Variants in SLC7A5 observed in about 807,000 individuals in gnomAD.
SLC7A5 encodes large neutral amino acids transporter small subunit 1.
In SLC7A5, 23 loss-of-function variants were observed where a neutral mutation model predicts 50.2. That is an observed-to-expected ratio of 0.46 (90% CI 0.33 to 0.65). SLC7A5 has a LOEUF of 0.65. SLC7A5 is among the 30% of genes least tolerant of loss of function. The pLI, the probability that SLC7A5 is intolerant of heterozygous loss-of-function variation, is 0.02. For synonymous variants in SLC7A5, 393 were observed against 330.6 expected (o/e 1.19, Z -2.05); for missense variants, 578 against 684.4 (o/e 0.84, Z 1.73).
intron 3 of SLC7A5, 48 bp from the exon 4 acceptor site, chr16:87,840,521 A>G: frequency 6.8e-7 from 1 of 1,480,588 alleles, no homozygotes; most frequent in African/African-American, 1.4e-5. Flanking sequence ...TCATCAGGGA[A>G]AATAAATCAC....
rs1597493755 is a variant in SLC7A5 at position 87,836,754 on chromosome 16, C to T, written c.1141-107G>A. ...CAGCCTGGCTGGGCCCAGCTGAGCACCAGGGAATTTTGTTTTAAAGGAGAA... is the reference window on the plus strand; with the variant it reads ...CAGCCTGGCTGGGCCCAGCTGAGCATCAGGGAATTTTGTTTTAAAGGAGAA... On this transcript the variant is annotated intron_variant, in intron 7 of 9. Coordinates refer to ENST00000261622, the MANE Select transcript of SLC7A5 (RefSeq NM_003486.7). 11 of 1,220,022 alleles carry T rather than the reference C, an allele frequency of 9.0e-6. No homozygotes were observed. The East Asian group carries it at 2.4e-4, about 26-fold the overall frequency. The allele number at this position is 1,220,022 out of a possible 1,614,324, so 75.6% of individuals were successfully genotyped here. A position where few individuals can be genotyped will look rare whatever the true frequency, so the allele number is the denominator to read the frequency against.
chr16:87,851,005 C>T (rs568179835), intron 2 of SLC7A5, among the ~76,000 whole-genome samples: 1 of 152,188 alleles, frequency 6.6e-6, no homozygotes, highest in Non-Finnish European at 1.5e-5. Context: ...TTCCTTCTAC[C>T]AGCCCCAAGA....
At position 87,839,682 on chromosome 16, in the gene SLC7A5, G is replaced by A. The variant is rs33993343; in HGVS notation, c.939+20C>T. 829 of 1,612,776 alleles carry A rather than the reference G, an allele frequency of 5.1e-4. 6 individuals are homozygous for A. In the African/African-American group the frequency reaches 0.01, roughly 20 times the overall value. On this transcript the variant is annotated intron_variant, in intron 5 of 9. Coordinates refer to ENST00000261622, the MANE Select transcript of SLC7A5 (RefSeq NM_003486.7). The stretch of plus-strand genomic sequence containing the variant: ...ACAGCCTCTCAGGCCCCTGGTGGAA[G>A]CTGGCGGGTAGCGGCTCACCACGGC...
intron 6 of SLC7A5, 62 bp downstream of exon 6, chr16:87,838,652 A>G (rs1567489143): frequency 2.5e-6 from 3 of 1,215,734 alleles, no homozygotes; most frequent in Non-Finnish European, 3.7e-6. Flanking sequence ...GACATGGAAC[A>G]TGTTGAACCT....
chr16:87,842,058 A>G (rs2055089039), intron 2 of SLC7A5, among the ~76,000 whole-genome samples: 1 of 152,176 alleles, frequency 6.6e-6, no homozygotes, highest in Admixed American at 6.5e-5. Flanking sequence ...TATTGCCCAG[A>G]CATCAGTCTC....
rs1348816623 is a variant in SLC7A5, at chr16:87,832,988, C to A, written c.1506G>T (p.Val502=). The change falls in exon 10 of 10, where the codon GTG becomes GTT. Residue 502 remains valine (V), a synonymous_variant. Coordinates refer to ENST00000261622, the MANE Select transcript of SLC7A5 (RefSeq NM_003486.7). The surrounding 1 kb of genome is among the most constrained non-coding windows in gnomAD (Gnocchi z 4.6). ...TTVLCQKLMQ[V]VPQET is the part of the protein sequence containing the mutation. ...CTCCTGGCTATGTCTCCTGGGGGAC[C>A]ACCTGCATGAGCTTCTGACACAGGA... 6.8e-6 allele frequency: 11 copies of A among 1,613,796 alleles called. No homozygotes were observed. The highest frequency in any genetic ancestry group is 8.5e-6 in the Non-Finnish European group (10 of 1,179,902).
At chr16:87,839,308 T>C (rs958182761) in intron 5 of SLC7A5, among the ~76,000 whole-genome samples, 1 of 152,214 alleles carries the variant, frequency 6.6e-6, no homozygotes, top group African/African-American at 2.4e-5. Context: ...GCCTCCCGCC[T>C]GCCAAGCCAG....
Position 87,833,618 on chromosome 16 carries a change from G to A in SLC7A5, c.1469-593C>T, listed in dbSNP as rs117094085. Among the ~76,000 whole-genome samples the A allele has an allele frequency of 0.094, 14,236 of 151,672 alleles. 860 individuals are homozygous for A. The highest frequency in any genetic ancestry group is 0.13 in the Non-Finnish European group (8,734 of 67,994). On this transcript the variant is annotated intron_variant, in intron 9 of 9. Coordinates refer to ENST00000261622, the MANE Select transcript of SLC7A5 (RefSeq NM_003486.7). The surrounding 1 kb of genome is among the most constrained non-coding windows in gnomAD (Gnocchi z 6.0). ...GCAAATGTTCTACCATGACCCTGGC[G>A]GTGATCAGAGTGTGGGGTAGGGGTG... is the stretch of plus-strand genomic sequence containing the variant.
rs576563929 is a variant in SLC7A5 at position 87,835,334 on chromosome 16, C to T, written c.1291-743G>A. On this transcript the variant is annotated intron_variant, in intron 8 of 9. Coordinates refer to ENST00000261622, the MANE Select transcript of SLC7A5 (RefSeq NM_003486.7). ...CAGGTCCCCATGGGGGCTGAGCCCC[C>T]GCTGTGCGCAGTGACTGCCCTGTGC... is the stretch of plus-strand genomic sequence containing the variant. Among the ~76,000 whole-genome samples the T allele has an allele frequency of 6.6e-5, 10 of 152,334 alleles. No homozygotes were observed. In the South Asian group the frequency reaches 1.2e-3, roughly 19 times the overall value.
At chr16:87,846,089 T>C (rs1478290274) in intron 2 of SLC7A5, among the ~76,000 whole-genome samples, 2 of 152,024 alleles carry the variant, frequency 1.3e-5, no homozygotes, top group Non-Finnish European at 2.9e-5. Context: ...GTGCCCTGAG[T>C]CGCGAAGTAC....
chr16:87,857,455 G>C (rs56126411), intron 1 of SLC7A5, among the ~76,000 whole-genome samples: 4 of 152,040 alleles, frequency 2.6e-5, no homozygotes, highest in Non-Finnish European at 5.9e-5. Flanking sequence ...CCTAATTTTT[G>C]TATTTTTAGT....
chr16:87,848,824 C>T (rs72814355), intron 2 of SLC7A5, among the ~76,000 whole-genome samples: 4,792 of 152,302 alleles, frequency 0.031, 187 homozygotes, highest in African/African-American at 0.091. Context: ...CATTGGGACC[C>T]GGCATAGATG....
At position 87,865,342 on chromosome 16, in the gene SLC7A5, C is replaced by G. The variant is rs928501803; in HGVS notation, c.538+3543G>C. The stretch of plus-strand genomic sequence containing the variant: ...ACCCTATTAACATTAACCCTCACCT[C>G]TGGGTCAGAGAGGGTTGGCACTCTA... On this transcript the variant is annotated intron_variant, in intron 1 of 9. Coordinates refer to ENST00000261622, the MANE Select transcript of SLC7A5 (RefSeq NM_003486.7). 2.0e-5 allele frequency among the ~76,000 whole-genome samples: 3 copies of G among 152,204 alleles called. No homozygotes were observed. In the South Asian group the frequency reaches 6.2e-4, roughly 31 times the overall value.
At position 87,846,855 on chromosome 16, in the gene SLC7A5, G is replaced by A. The variant is rs187429764; in HGVS notation, c.664+4869C>T. 2.6e-4 allele frequency among the ~76,000 whole-genome samples: 40 copies of A among 152,344 alleles called. 2 individuals are homozygous for A. The East Asian group carries it at 7.3e-3, about 28-fold the overall frequency. On this transcript the variant is annotated intron_variant, in intron 2 of 9. Coordinates refer to ENST00000261622, the MANE Select transcript of SLC7A5 (RefSeq NM_003486.7). The stretch of plus-strand genomic sequence containing the variant: ...AAAAGGGGCTGTTGGACCCTGCATG[G>A]CAGTGGCTCCCGTGCCGGGGACGCG...
At chr16:87,843,613 G>A (rs117558145) in intron 2 of SLC7A5, among the ~76,000 whole-genome samples, 1,974 of 152,070 alleles carry the variant, frequency 0.013, 27 homozygotes, top group South Asian at 0.043. Flanking sequence ...GTTAGACAGC[G>A]TTCAAACCCT....
intron 1 of SLC7A5, among the ~76,000 whole-genome samples, chr16:87,858,848 G>A (rs578207252): frequency 1.3e-3 from 197 of 152,298 alleles, no homozygotes; most frequent in African/African-American, 4.5e-3. Context: ...CTGTACACCC[G>A]ACAGGAGGAT....
At chr16:87,858,512 A>G (rs1372729685) in intron 1 of SLC7A5, among the ~76,000 whole-genome samples, 1 of 152,172 alleles carries the variant, frequency 6.6e-6, no homozygotes, top group African/African-American at 2.4e-5. Flanking sequence ...GGTATTGTGG[A>G]GGTGGAAGGA....
chr16:87,836,470 C>T (rs1374027671), intron 8 of SLC7A5, 28 bp downstream of exon 8: 1 of 1,605,288 alleles, frequency 6.2e-7, no homozygotes, highest in Non-Finnish European at 8.5e-7. Flanking sequence ...TGAAGGGTGC[C>T]TGGGTGAGCG....
rs372717791 is a variant in SLC7A5 at position 87,839,705 on chromosome 16, G to A, written c.936C>T (p.Ala312=). The A allele has an allele frequency of 2.1e-5, 34 of 1,613,264 alleles. No individual in the cohort carries two copies. The highest frequency in any genetic ancestry group is 1.3e-4 in the South Asian group (12 of 91,066). ...TEQMLSSEAV[A]VDFGNYHLGV... is the part of the protein sequence containing the mutation. The stretch of plus-strand genomic sequence containing the variant: ...AAGCTGGCGGGTAGCGGCTCACCAC[G>A]GCCACGGCCTCGGACGACAGCATCT... Residue 312 remains alanine, a synonymous_variant, in exon 5 of 10, where the codon GCC becomes GCT. Transcript: ENST00000261622.
Sources: allele counts gnomAD v4.1 joint callset (sites outside exome capture counted in the v4.1 genomes callset), GRCh38; gene constraint gnomAD v4.1.1; non-coding constraint Gnocchi (gnomAD v3.1); transcripts MANE v1.5; gene names NCBI Gene and HGNC (gene_info 2026-07-23, HGNC 2026-07-21).